Variants in CBX5 observed in about 807,000 individuals in gnomAD.
CBX5 encodes the protein chromobox 5, also known as chromobox protein homolog 5.
CBX5 carries 7 observed loss-of-function variants against 20.7 expected under a neutral mutation model. That is an observed-to-expected ratio of 0.34 (90% CI 0.19 to 0.63). CBX5 has a LOEUF of 0.63. Ranked by LOEUF, CBX5 falls within the 30% of genes least tolerant of loss-of-function variation. CBX5 has a pLI of 0.75. For synonymous variants in CBX5, 78 were observed against 77.0 expected (o/e 1.01, Z -0.07); for missense variants, 110 against 224.1 (o/e 0.49, Z 3.25).
intron 1 of CBX5, chr12:54,272,048 C>T (rs1944015637): frequency 6.6e-6 from 1 of 152,188 alleles, no homozygotes; most frequent in African/African-American, 2.4e-5. Context: ...AAACGAGGCA[C>T]AGAGAGTTCA....
intron 4 of CBX5, among the ~76,000 whole-genome samples, chr12:54,242,960 C>G (rs1281966125): frequency 6.6e-6 from 1 of 151,202 alleles, no homozygotes; most frequent in Non-Finnish European, 1.5e-5. Context: ...CCCATCTCTA[C>G]AAAAAATACA....
At chr12:54,258,654 A>G (rs116463597) in intron 1 of CBX5, among the ~76,000 whole-genome samples, 2,815 of 152,310 alleles carry the variant, frequency 0.018, 91 homozygotes, top group African/African-American at 0.064. Flanking sequence ...CTCAACAGAG[A>G]ATCTAGTTTT....
intron 1 of CBX5, among the ~76,000 whole-genome samples, chr12:54,268,792 T>A (rs1943980910): frequency 1.3e-5 from 2 of 152,166 alleles, no homozygotes; most frequent in Non-Finnish European, 2.9e-5. Context: ...CAGGAATAAG[T>A]ACATGTGGGT....
At position 54,243,695 on chromosome 12, in the gene CBX5, CCT is replaced by C. The variant is rs375899586; in HGVS notation, c.426-1792_426-1791del. Among the ~76,000 whole-genome samples the C allele has an allele frequency of 4.7e-3, 721 of 152,138 alleles. 6 individuals are homozygous for C. Among genetic ancestry groups the C allele is most frequent in the African/African-American group, 0.017 (686 of 41,524 alleles). On this transcript the variant is annotated intron_variant, in intron 4 of 4. Transcript: ENST00000209875. ...ACCAGCCTGGCCAACATGATGAAAC[CCT>C]GTCTCTACTAAAAATATAAAAATTG...
chr12:54,246,780 CAAAAAAAAA>C (rs772454046), intron 3 of CBX5, among the ~76,000 whole-genome samples: 2 of 46,216 alleles, frequency 4.3e-5, no homozygotes, highest in East Asian at 6.3e-4. Context: ...GACTCCGTCT[CAAAAAAAAA>C]AAAAAAAAAA....
intron 1 of CBX5, chr12:54,272,733 T>C (rs906280374): frequency 6.6e-6 from 1 of 152,242 alleles, no homozygotes; most frequent in African/African-American, 2.4e-5. Flanking sequence ...CAAAATGTTG[T>C]AATTTGTAAT....
chr12:54,261,772 T>C (rs1478630218), intron 1 of CBX5, among the ~76,000 whole-genome samples: 1 of 152,200 alleles, frequency 6.6e-6, no homozygotes, highest in African/African-American at 2.4e-5. Context: ...TGTGTTATCC[T>C]GAGTAAATAA....
intron 1 of CBX5, among the ~76,000 whole-genome samples, chr12:54,269,388 CAG>C (rs960057275): frequency 2.0e-4 from 30 of 152,204 alleles, no homozygotes; most frequent in African/African-American, 6.5e-4. Flanking sequence ...CATCTGGGCT[CAG>C]AGTTTTCTTT....
At chr12:54,264,546 T>C (rs1459713037) in intron 1 of CBX5, among the ~76,000 whole-genome samples, 2 of 152,160 alleles carry the variant, frequency 1.3e-5, no homozygotes, top group East Asian at 3.9e-4. Flanking sequence ...TTTCTTCTTA[T>C]TAAGAATGAA....
chr12:54,244,599 A>G (rs576601886), intron 4 of CBX5, among the ~76,000 whole-genome samples: 3 of 151,820 alleles, frequency 2.0e-5, no homozygotes, highest in Admixed American at 6.6e-5. Flanking sequence ...TTAGCCAGGC[A>G]TGGTGGTAGG....
chr12:54,276,147 C>A (rs1338939739), intron 1 of CBX5, among the ~76,000 whole-genome samples: 1 of 152,100 alleles, frequency 6.6e-6, no homozygotes, highest in African/African-American at 2.4e-5. Context: ...CTCCTATAAT[C>A]TTTCAAAGTA....
intron 3 of CBX5, among the ~76,000 whole-genome samples, chr12:54,247,008 A>G (rs2137013182): frequency 6.6e-6 from 1 of 152,266 alleles, no homozygotes; most frequent in South Asian, 2.1e-4. Context: ...AGTTTACCTT[A>G]ACACTAAACA....
At chr12:54,246,780 C>CAA (rs772454046) in intron 3 of CBX5, among the ~76,000 whole-genome samples, 33 of 46,070 alleles carry the variant, frequency 7.2e-4, no homozygotes, top group African/African-American at 9.3e-4. Flanking sequence ...GACTCCGTCT[C>CAA]AAAAAAAAAA....
At chr12:54,252,393 T>TTA in intron 2 of CBX5, 166 bp from the exon 3 acceptor site, 4 of 358,124 alleles carry the variant, frequency 1.1e-5, no homozygotes, top group Non-Finnish European at 9.3e-6. Context: ...CCAGGAAAAA[T>TTA]GAAAAAAAAA....
intron 1 of CBX5, chr12:54,279,104 C>T (rs1944100467): frequency 6.6e-6 from 1 of 152,184 alleles, no homozygotes; most frequent in Non-Finnish European, 1.5e-5. Context: ...CTAGGATTGA[C>T]ACTTTGGTGT....
At chr12:54,266,606 G>A (rs955244777) in intron 1 of CBX5, among the ~76,000 whole-genome samples, 1 of 151,848 alleles carries the variant, frequency 6.6e-6, no homozygotes, top group Non-Finnish European at 1.5e-5. Context: ...GACGATAAAG[G>A]CTGCCCTATA....
intron 1 of CBX5, among the ~76,000 whole-genome samples, chr12:54,261,278 C>A (rs1452417452): frequency 1.3e-5 from 2 of 150,708 alleles, no homozygotes. Context: ...GGTGTAAGAC[C>A]AAAGTAGAAA....
chr12:54,254,924 T>C (rs886716105), intron 2 of CBX5, among the ~76,000 whole-genome samples: 4 of 152,040 alleles, frequency 2.6e-5, no homozygotes, highest in Admixed American at 1.3e-4. Context: ...ACAGACCATA[T>C]AGTTTACCAT....
At chr12:54,278,946 T>C (rs946582957) in intron 1 of CBX5, 1 of 152,214 alleles carries the variant, frequency 6.6e-6, no homozygotes, top group Non-Finnish European at 1.5e-5. Flanking sequence ...ATGGATTACA[T>C]AAAACAGAAA....
Sources: allele counts gnomAD v4.1 joint callset (sites outside exome capture counted in the v4.1 genomes callset), GRCh38; gene constraint gnomAD v4.1.1; transcripts MANE v1.5; gene names NCBI Gene and HGNC (gene_info 2026-07-23, HGNC 2026-07-21).